TRPC7: variants seen among roughly 807,000 people sequenced by gnomAD.
TRPC7 encodes transient receptor potential cation channel subfamily C member 7, also known as short transient receptor potential channel 7.
TRPC7 carries 42 observed loss-of-function variants against 90.1 expected under a neutral mutation model. The observed-to-expected ratio is 0.47, with a 90% CI of 0.36 to 0.60. The LOEUF (loss-of-function observed/expected upper bound fraction) is 0.60. TRPC7 is among the 20% of genes least tolerant of loss of function. TRPC7 has a pLI of 0.00. For synonymous variants in TRPC7, 451 were observed against 436.3 expected, an observed-to-expected ratio of 1.03 and a Z score of -0.42; for missense variants, 955 against 1,112.3, an observed-to-expected ratio of 0.86 and a Z score of 2.01.
intron 3 of TRPC7, among the ~76,000 whole-genome samples, chr5:136,308,862 C>G (rs1758735211): frequency 6.6e-6 from 1 of 152,212 alleles, no homozygotes; most frequent in Admixed American, 6.5e-5. Context: ...CTTGAGCAGT[C>G]AGGCTCCCAG....
At chr5:136,266,090 TG>T in intron 5 of TRPC7, 129 bp downstream of exon 5, 1 of 783,224 alleles carries the variant, frequency 1.3e-6, no homozygotes, top group Non-Finnish European at 2.1e-6. Context: ...ACTTTCTTGT[TG>T]GTCATCCACT....
At position 136,356,933 on chromosome 5, in the gene TRPC7, T is replaced by C. The variant is rs1310378437; in HGVS notation, c.455A>G (p.Tyr152Cys). ...GCGCGTGCCGTCCTCGTCGTAGGCA[T>C]AGAAGTCGTCGTCGCGCAGCTCCTG... ...LEQELRDDDF[Y>C]AYDEDGTRFS... Residue 152 changes from tyrosine (Y) to cysteine (C), a missense_variant, in exon 2 of 12, where the codon TAT becomes TGT. Physicochemically the swap from Tyr to Cys is radical, Grantham distance 194. Around this residue, in one of 4 missense-constraint regions of TRPC7, gnomAD observed 484 missense variants for 509.6 expected, o/e 0.95. Transcript: ENST00000513104. The C allele has an allele frequency of 6.2e-7, 1 of 1,613,450 alleles. No individual in the cohort carries two copies. Among genetic ancestry groups the C allele is most frequent in the Non-Finnish European group, 8.5e-7 (1 of 1,179,888 alleles).
At chr5:136,250,601 T>C (rs894902186) in intron 6 of TRPC7, among the ~76,000 whole-genome samples, 5 of 152,218 alleles carry the variant, frequency 3.3e-5, no homozygotes, top group African/African-American at 4.8e-5. Context: ...ACATAACTTA[T>C]TTTAAAATAA....
intron 10 of TRPC7, among the ~76,000 whole-genome samples, chr5:136,224,580 C>T (rs1206280223): frequency 6.6e-6 from 1 of 152,194 alleles, no homozygotes; most frequent in Admixed American, 6.5e-5. Flanking sequence ...GTACCCCAAT[C>T]CAAGCAACCA....
At chr5:136,286,581 C>G (rs1365022149) in intron 3 of TRPC7, among the ~76,000 whole-genome samples, 1 of 152,196 alleles carries the variant, frequency 6.6e-6, no homozygotes, top group Non-Finnish European at 1.5e-5. Flanking sequence ...AGCCAAACCA[C>G]CAACTGAATG....
chr5:136,343,128 T>C (rs1458723424), intron 2 of TRPC7, among the ~76,000 whole-genome samples: 1 of 152,088 alleles, frequency 6.6e-6, no homozygotes, highest in Admixed American at 6.5e-5. Context: ...AAGTGAATGG[T>C]AAAGCTAATG....
rs994904486 is a variant in TRPC7, at chr5:136,212,936, A to C, written c.*499T>G. Among the ~76,000 whole-genome samples the C allele has an allele frequency of 6.6e-6, 1 of 152,160 alleles. No homozygotes were observed. The highest frequency in any genetic ancestry group is 2.4e-5 in the African/African-American group (1 of 41,440). The stretch of plus-strand genomic sequence containing the variant: ...AAACAAATAGAACTATTTTGCTATT[A>C]GGCTGTGTTCTCATCTGGCACTTAA... On this transcript the variant is annotated 3_prime_UTR_variant, in exon 12 of 12. Coordinates refer to ENST00000513104, the MANE Select transcript of TRPC7 (RefSeq NM_020389.3).
chr5:136,281,063 C>T (rs778741447), intron 3 of TRPC7, among the ~76,000 whole-genome samples: 7 of 152,086 alleles, frequency 4.6e-5, no homozygotes, highest in Admixed American at 1.3e-4. Flanking sequence ...AAAATCAGAC[C>T]GAAACACCAA....
At chr5:136,250,009 A>C (rs1346149062) in intron 6 of TRPC7, among the ~76,000 whole-genome samples, 2 of 152,250 alleles carry the variant, frequency 1.3e-5, no homozygotes, top group African/African-American at 4.8e-5. Context: ...AAAGCAACAG[A>C]AGTCAGAAGT....
At chr5:136,281,940 C>T (rs990758334) in intron 3 of TRPC7, among the ~76,000 whole-genome samples, 35 of 152,140 alleles carry the variant, frequency 2.3e-4, no homozygotes, top group Non-Finnish European at 2.8e-4. Context: ...TGCTCACTTA[C>T]GGAGTATTCA....
chr5:136,270,966 T>C (rs942907267), intron 4 of TRPC7, among the ~76,000 whole-genome samples: 2 of 152,108 alleles, frequency 1.3e-5, no homozygotes, highest in Non-Finnish European at 2.9e-5. Context: ...CTGGTAGAGA[T>C]AAATGTGGAG....
At chr5:136,305,947 G>T (rs1758608978) in intron 3 of TRPC7, among the ~76,000 whole-genome samples, 1 of 152,084 alleles carries the variant, frequency 6.6e-6, no homozygotes, top group South Asian at 2.1e-4. Context: ...ACAAGGTACA[G>T]CCCGTTTGAG....
intron 3 of TRPC7, among the ~76,000 whole-genome samples, chr5:136,290,198 A>T (rs985191343): frequency 6.6e-6 from 1 of 152,328 alleles, no homozygotes; most frequent in African/African-American, 2.4e-5. Flanking sequence ...GGGAAAAAAC[A>T]GAGCAGAAAA....
chr5:136,221,292 A>G (rs1275711809), intron 10 of TRPC7, among the ~76,000 whole-genome samples: 1 of 152,150 alleles, frequency 6.6e-6, no homozygotes, highest in African/African-American at 2.4e-5. Context: ...AGATGAGTAT[A>G]TTGAGTGCTA....
intron 3 of TRPC7, among the ~76,000 whole-genome samples, chr5:136,286,494 G>A (rs1196089083): frequency 5.9e-5 from 9 of 152,136 alleles, no homozygotes; most frequent in Non-Finnish European, 1.2e-4. Context: ...AAATATCCAC[G>A]TGCAGGGAGA....
At chr5:136,335,366 C>T (rs531876648) in intron 2 of TRPC7, among the ~76,000 whole-genome samples, 3 of 152,082 alleles carry the variant, frequency 2.0e-5, no homozygotes, top group Admixed American at 1.3e-4. Flanking sequence ...AATGGAGTTC[C>T]CTCCACTTAG....
intron 8 of TRPC7, among the ~76,000 whole-genome samples, chr5:136,230,644 T>G (rs1052501388): frequency 2.0e-5 from 3 of 152,250 alleles, no homozygotes; most frequent in African/African-American, 7.2e-5. Flanking sequence ...TCAGTTTGTT[T>G]TTAATTTCTT....
chr5:136,310,704 G>A (rs566977426), intron 3 of TRPC7, among the ~76,000 whole-genome samples: 2 of 152,290 alleles, frequency 1.3e-5, no homozygotes, highest in South Asian at 4.1e-4. Flanking sequence ...AGGTGTGAAC[G>A]CTACTTTGCT....
Position 136,213,543 on chromosome 5 carries a change from T to C in TRPC7, c.2481A>G (p.Lys827=). 1 of 1,614,000 alleles carries C rather than the reference T, an allele frequency of 6.2e-7. No homozygotes were observed. The highest frequency in any genetic ancestry group is 8.5e-7 in the Non-Finnish European group (1 of 1,179,898). Residue 827 remains lysine (K), a synonymous_variant, in exon 12 of 12, where the codon AAA becomes AAG. Transcript: ENST00000513104. The part of the protein sequence containing the change: ...SSLRYELLEE[K]SQATGELADL... ...CTGCCAGCTCACCAGTAGCTTGAGA[T>C]TTTTCCTCAAGAAGCTCATAGCGCA...
Sources: allele counts gnomAD v4.1 joint callset (sites outside exome capture counted in the v4.1 genomes callset), GRCh38; gene constraint gnomAD v4.1.1; regional missense constraint gnomAD v4.1.1; transcripts MANE v1.5; gene names NCBI Gene and HGNC (gene_info 2026-07-23, HGNC 2026-07-21).